Variants in PAPPA observed in about 807,000 individuals in gnomAD.
The protein encoded by PAPPA is pappalysin-1.
Under a neutral mutation model 164.0 loss-of-function variants are expected in PAPPA, and 60 were observed. The ratio of observed to expected loss-of-function variants is 0.37; its 90% CI spans 0.30 to 0.45. The LOEUF (loss-of-function observed/expected upper bound fraction) is 0.45, where lower values mean the gene tolerates loss of function less well. PAPPA is among the 20% of genes least tolerant of loss of function. The pLI, the probability that PAPPA is intolerant of heterozygous loss-of-function variation, is 1.00. For synonymous variants in PAPPA, 875 were observed against 814.1 expected, an observed-to-expected ratio of 1.07 and a Z score of -1.27; for missense variants, 1,782 against 2,087.3, an observed-to-expected ratio of 0.85 and a Z score of 2.85.
At chr9:116,349,157 G>T (rs1846249789) in intron 15 of PAPPA, among the ~76,000 whole-genome samples, 1 of 148,372 alleles carries the variant, frequency 6.7e-6, no homozygotes, top group Non-Finnish European at 1.5e-5. Context: ...CCCCGTACCA[G>T]CCCTTGGCTA....
intron 17 of PAPPA, among the ~76,000 whole-genome samples, chr9:116,361,579 C>G (rs1298300891): frequency 6.6e-6 from 1 of 152,162 alleles, no homozygotes; most frequent in Non-Finnish European, 1.5e-5. Context: ...TCCATGCATC[C>G]TTGAAAACCC....
At chr9:116,359,731 G>GTT (rs981876305) in intron 17 of PAPPA, among the ~76,000 whole-genome samples, 1 of 152,220 alleles carries the variant, frequency 6.6e-6, no homozygotes, top group African/African-American at 2.4e-5. Flanking sequence ...AGATGTGGAG[G>GTT]TGGGAAAGCA....
rs1846857748 is a variant in PAPPA at position 116,389,219 on chromosome 9, G to A, written c.4776+6726G>A. Reference sequence around the variant, plus strand: ...ATAATCTTGGCTCACTGCAACCTCCGCCTCCCAGGTTCAAGCAATTCTCCT... The same window carrying A: ...ATAATCTTGGCTCACTGCAACCTCCACCTCCCAGGTTCAAGCAATTCTCCT... On this transcript the variant is annotated intron_variant, in intron 21 of 21. Coordinates refer to ENST00000328252, the MANE Select transcript of PAPPA (RefSeq NM_002581.5). Among the ~76,000 whole-genome samples, 3 of 142,710 alleles carry A rather than the reference G, an allele frequency of 2.1e-5. No homozygotes were observed. In the South Asian group the frequency reaches 7.0e-4, roughly 33 times the overall value. The allele number at this position is 142,710 out of a possible 152,430, so 93.6% of individuals were successfully genotyped here. A position where few individuals can be genotyped will look rare whatever the true frequency, so the allele number is the denominator to read the frequency against.
chr9:116,235,833 C>G (rs2118746121), intron 7 of PAPPA, among the ~76,000 whole-genome samples, 196 bp downstream of exon 7: 1 of 152,180 alleles, frequency 6.6e-6, no homozygotes, highest in Middle Eastern at 3.4e-3. Flanking sequence ...AGGGAAGGAA[C>G]CATTAGACCT....
intron 10 of PAPPA, among the ~76,000 whole-genome samples, chr9:116,319,373 T>A (rs1050436422): frequency 6.6e-6 from 1 of 152,216 alleles, no homozygotes; most frequent in African/African-American, 2.4e-5. Flanking sequence ...CTCGGCCCAA[T>A]GCCTGGCTGT....
At chr9:116,376,299 G>A (rs956597544) in intron 19 of PAPPA, among the ~76,000 whole-genome samples, 4 of 152,146 alleles carry the variant, frequency 2.6e-5, no homozygotes, top group African/African-American at 4.8e-5. Flanking sequence ...GATTACAGGC[G>A]TGAGCCACCA....
At chr9:116,228,883 G>C (rs1452158162) in intron 6 of PAPPA, among the ~76,000 whole-genome samples, 1 of 151,852 alleles carries the variant, frequency 6.6e-6, no homozygotes, top group Non-Finnish European at 1.5e-5. Context: ...ACCCACTTTG[G>C]GTTGTCACAG....
chr9:116,293,306 C>T (rs143062032), intron 9 of PAPPA, among the ~76,000 whole-genome samples: 2 of 152,188 alleles, frequency 1.3e-5, no homozygotes, highest in African/African-American at 2.4e-5. Flanking sequence ...AGAATTTTTA[C>T]ATTTTTAAAT....
chr9:116,398,675 T>A lies in PAPPA; in HGVS notation c.*2059T>A. ...ATACGGATGCAGTGCTGAGATAGTT[T>A]ATGAGACTTGTACCATTTCACAAAC... On this transcript the variant is annotated 3_prime_UTR_variant, in exon 22 of 22. Transcript: ENST00000328252. The A allele has an allele frequency of 1.9e-6, 1 of 527,370 alleles. No individual in the cohort carries two copies. Among genetic ancestry groups the A allele is most frequent in the Non-Finnish European group, 3.4e-6 (1 of 292,042 alleles). The allele number at this position is 527,370 out of a possible 1,614,324, so 32.7% of individuals were successfully genotyped here. A position where few individuals can be genotyped will look rare whatever the true frequency, so the allele number is the denominator to read the frequency against.
intron 5 of PAPPA, among the ~76,000 whole-genome samples, chr9:116,221,712 C>A (rs1844448353): frequency 6.6e-6 from 1 of 151,758 alleles, no homozygotes; most frequent in African/African-American, 2.4e-5. Flanking sequence ...ATTACACTGC[C>A]CCCCGCAAGG....
In PAPPA at chr9:116,193,261, C is replaced by T. The variant is rs146711551; in HGVS notation, c.1478+5045C>T. ...GGGGCTGCGATAAGTCTTGAGGTCA[C>T]CCCCGACCCCTCTGCTGGCAGCTAT... is the stretch of plus-strand genomic sequence containing the variant. On this transcript the variant is annotated intron_variant, in intron 2 of 21. Coordinates refer to ENST00000328252, the MANE Select transcript of PAPPA (RefSeq NM_002581.5). 6.0e-3 allele frequency among the ~76,000 whole-genome samples: 917 copies of T among 152,116 alleles called. 31 individuals are homozygous for T. In the East Asian group the frequency reaches 0.1, roughly 17 times the overall value.
chr9:116,160,782 T>C (rs1194194700), intron 1 of PAPPA, among the ~76,000 whole-genome samples: 1 of 152,200 alleles, frequency 6.6e-6, no homozygotes, highest in Non-Finnish European at 1.5e-5. Context: ...CTTGCCTTGG[T>C]GCAGTTACTG....
chr9:116,228,501 G>A (rs1042708142), intron 6 of PAPPA, among the ~76,000 whole-genome samples: 1 of 152,012 alleles, frequency 6.6e-6, no homozygotes, highest in Non-Finnish European at 1.5e-5. Context: ...AGGTTGAAAA[G>A]AAAAAGCCAG....
At chr9:116,241,515 C>T (rs1200497130) in intron 7 of PAPPA, among the ~76,000 whole-genome samples, 1 of 152,216 alleles carries the variant, frequency 6.6e-6, no homozygotes, top group African/African-American at 2.4e-5. Flanking sequence ...TTTCTTATAA[C>T]ATGATCCTTA....
At chr9:116,188,880 C>G (rs1396361315) in intron 2 of PAPPA, among the ~76,000 whole-genome samples, 1 of 152,124 alleles carries the variant, frequency 6.6e-6, no homozygotes, top group Non-Finnish European at 1.5e-5. Flanking sequence ...CCTATTTTGT[C>G]AAGTTGCTCT....
At chr9:116,209,170 C>T (rs1844276255) in intron 3 of PAPPA, among the ~76,000 whole-genome samples, 1 of 152,036 alleles carries the variant, frequency 6.6e-6, no homozygotes. Context: ...CAGAAGAGAG[C>T]GTGCAGCTTA....
chr9:116,377,265 C>A (rs913861900), intron 19 of PAPPA, among the ~76,000 whole-genome samples: 1 of 152,104 alleles, frequency 6.6e-6, no homozygotes, highest in East Asian at 1.9e-4. Flanking sequence ...ACGAATGGGT[C>A]GAATATTAGT....
chr9:116,351,129 G>T (rs1846276766), intron 15 of PAPPA, among the ~76,000 whole-genome samples: 1 of 151,988 alleles, frequency 6.6e-6, no homozygotes, highest in South Asian at 2.1e-4. Context: ...TACTTTTTAG[G>T]ATAATTTATT....
At chr9:116,359,104 C>T (rs1173914349) in intron 17 of PAPPA, among the ~76,000 whole-genome samples, 1 of 152,178 alleles carries the variant, frequency 6.6e-6, no homozygotes, top group African/African-American at 2.4e-5. Context: ...AGTTGCCAAG[C>T]TTGCATTTGA....
Sources: gnomAD v4.1 joint callset for allele counts (sites outside exome capture counted in the v4.1 genomes callset) on GRCh38, gnomAD v4.1.1 for gene constraint, MANE v1.5 for transcripts, NCBI Gene and HGNC (gene_info 2026-07-23, HGNC 2026-07-21) for gene names.